GLT1D1: variants seen among roughly 807,000 people sequenced by gnomAD.
The protein encoded by GLT1D1 is glycosyltransferase 1 domain-containing protein 1.
A neutral mutation model predicts 28.7 loss-of-function variants in GLT1D1; 21 were observed. That is an observed-to-expected ratio of 0.73 (90% CI 0.52 to 1.05). The LOEUF (loss-of-function observed/expected upper bound fraction) is 1.05. Ranked by LOEUF, GLT1D1 falls within the 50% of genes least tolerant of loss-of-function variation. The pLI is 0.00. For missense variants in GLT1D1, 343 were observed against 330.6 expected (o/e 1.04, Z -0.29); for synonymous variants, 147 against 124.8 (o/e 1.18, Z -1.19).
intron 4 of GLT1D1, among the ~76,000 whole-genome samples, chr12:128,941,346 A>ATGAT (rs1875206496): frequency 6.6e-6 from 1 of 150,842 alleles, no homozygotes; most frequent in Non-Finnish European, 1.5e-5. Context: ...TTCTGCCTGA[A>ATGAT]TGATTTTATG....
chr12:128,955,281 C>T (rs1877154133), intron 6 of GLT1D1, among the ~76,000 whole-genome samples: 1 of 152,120 alleles, frequency 6.6e-6, no homozygotes, highest in Admixed American at 6.6e-5. Flanking sequence ...CTTCCTCTCC[C>T]TCTCCCTCAT....
At chr12:128,916,396 T>C (rs1049149527) in intron 4 of GLT1D1, among the ~76,000 whole-genome samples, 30 of 152,206 alleles carry the variant, frequency 2.0e-4, no homozygotes, top group African/African-American at 6.8e-4. Flanking sequence ...CTAAGTCAAA[T>C]AGCTTGACTA....
intron 4 of GLT1D1, among the ~76,000 whole-genome samples, chr12:128,917,259 T>A (rs1470005844): frequency 6.6e-6 from 1 of 152,190 alleles, no homozygotes; most frequent in African/African-American, 2.4e-5. Flanking sequence ...AGTCAATAAC[T>A]TTGTTTCAGA....
intron 1 of GLT1D1, among the ~76,000 whole-genome samples, chr12:128,874,128 T>TCTCTCTCTCTC (rs1566091531): frequency 2.1e-5 from 1 of 46,514 alleles, no homozygotes; most frequent in Non-Finnish European, 3.7e-5. Context: ...CTCTCTCTCT[T>TCTCTCTCTCTC]TCTTTCTTTC....
intron 4 of GLT1D1, 71 bp downstream of exon 6, chr12:128,915,060 C>A: frequency 1.6e-6 from 2 of 1,245,568 alleles, no homozygotes; most frequent in Non-Finnish European, 2.3e-6. Flanking sequence ...GAGCTTGTGA[C>A]GTTCATGCGG....
At chr12:128,855,238 A>AC (rs898657632) in intron 1 of GLT1D1, among the ~76,000 whole-genome samples, 3 of 147,692 alleles carry the variant, frequency 2.0e-5, no homozygotes, top group African/African-American at 7.5e-5. Flanking sequence ...AAAAAAAAAA[A>AC]AAAAACAACA....
intron 2 of GLT1D1, among the ~76,000 whole-genome samples, chr12:128,881,092 C>T (rs1200592451): frequency 2.0e-5 from 3 of 151,330 alleles, no homozygotes; most frequent in East Asian, 2.0e-4. Flanking sequence ...GGCGTGTTGG[C>T]GGGCGCCTGT....
chr12:128,928,810 G>A lies in GLT1D1; in HGVS notation c.376-16516G>A, dbSNP rs187518779. Among the ~76,000 whole-genome samples the A allele has an allele frequency of 5.9e-3, 902 of 151,960 alleles. 5 individuals are homozygous for A. The highest frequency in any genetic ancestry group is 0.01 in the Middle Eastern group (3 of 294). On this transcript the variant is annotated intron_variant, in intron 4 of 7. Transcript: ENST00000281703. ...TAATTTTTGTATTTTTAGTAGGGAC[G>A]GGGGTTTTACCACGTTGGGCAGGCT... is the stretch of plus-strand genomic sequence containing the variant.
At chr12:128,971,487 T>TGC (rs1879074586) in intron 7 of GLT1D1, among the ~76,000 whole-genome samples, 1 of 103,738 alleles carries the variant, frequency 9.6e-6, no homozygotes, top group Non-Finnish European at 1.9e-5. Context: ...TCCCTCCCTC[T>TGC]CTCTACCTCC....
At chr12:128,857,667 G>T (rs142349977) in intron 1 of GLT1D1, among the ~76,000 whole-genome samples, 3 of 152,238 alleles carry the variant, frequency 2.0e-5, no homozygotes, top group African/African-American at 7.2e-5. Flanking sequence ...AGACCCCGGA[G>T]ACCACCTTCA....
At chr12:128,867,051 A>G (rs544993231) in intron 1 of GLT1D1, among the ~76,000 whole-genome samples, 1 of 152,194 alleles carries the variant, frequency 6.6e-6, no homozygotes, top group East Asian at 1.9e-4. Context: ...CCTGCCTCTG[A>G]CATAGAGGAG....
chr12:128,935,723 C>T (rs1395487084), intron 4 of GLT1D1, among the ~76,000 whole-genome samples: 1 of 152,128 alleles, frequency 6.6e-6, no homozygotes, highest in Admixed American at 6.6e-5. Context: ...ACCTTAGCCT[C>T]CCAAGTCACT....
intron 4 of GLT1D1, among the ~76,000 whole-genome samples, chr12:128,914,172 TAAATGTA>T (rs1287190105): frequency 6.6e-6 from 1 of 152,048 alleles, no homozygotes; most frequent in Non-Finnish European, 1.5e-5. Context: ...CAGCAAAAAT[TAAATGTA>T]ACTTCTCTCT....
At chr12:128,953,763 C>A (rs1242463073) in intron 6 of GLT1D1, among the ~76,000 whole-genome samples, 2 of 147,800 alleles carry the variant, frequency 1.4e-5, no homozygotes, top group African/African-American at 5.0e-5. Flanking sequence ...TTTTTGTCTC[C>A]GAAACAGAGT....
chr12:128,886,887 C>T (rs1381515051), intron 2 of GLT1D1, among the ~76,000 whole-genome samples: 1 of 152,148 alleles, frequency 6.6e-6, no homozygotes, highest in Middle Eastern at 3.4e-3. Context: ...CCTGGTGAAC[C>T]ACCTCTACTG....
chr12:128,946,116 C>T (rs980147678), intron 5 of GLT1D1, among the ~76,000 whole-genome samples: 2 of 152,060 alleles, frequency 1.3e-5, no homozygotes, highest in African/African-American at 2.4e-5. Context: ...TAGGTGCAGA[C>T]GCGTGTGTGC....
intron 5 of GLT1D1, among the ~76,000 whole-genome samples, chr12:128,946,347 T>G (rs1453572801): frequency 2.6e-5 from 4 of 152,076 alleles, no homozygotes; most frequent in Non-Finnish European, 4.4e-5. Flanking sequence ...TCCATTCTTT[T>G]TTGTTGTTGT....
intron 4 of GLT1D1, among the ~76,000 whole-genome samples, chr12:128,920,282 C>G (rs1017999215): frequency 6.6e-6 from 1 of 152,110 alleles, no homozygotes; most frequent in Non-Finnish European, 1.5e-5. Context: ...CGCAGTGGCT[C>G]ACGCCTGTAA....
chr12:128,957,418 C>T lies in GLT1D1; in HGVS notation c.541-127C>T, dbSNP rs554236976. On this transcript the variant is annotated intron_variant, in intron 6 of 7. Transcript: ENST00000281703. ...AGATTGGGATATCGTTTTGGAAAGGCGTATTTTTTGTGAGGTGCCAGAGGT... is the reference window on the plus strand; with the variant it reads ...AGATTGGGATATCGTTTTGGAAAGGTGTATTTTTTGTGAGGTGCCAGAGGT... 265 of 610,854 alleles carry T rather than the reference C, an allele frequency of 4.3e-4. 1 individual carries two copies. The highest frequency in any genetic ancestry group is 6.0e-4 in the Non-Finnish European group (201 of 334,410). 37.8% of individuals were successfully genotyped at this position (610,854 alleles called of 1,614,324 possible). A position where few individuals can be genotyped will look rare whatever the true frequency, so the allele number is the denominator to read the frequency against.
Sources: allele counts gnomAD v4.1 joint callset (sites outside exome capture counted in the v4.1 genomes callset), GRCh38; gene constraint gnomAD v4.1.1; transcripts MANE v1.5; gene names NCBI Gene and HGNC (gene_info 2026-07-23, HGNC 2026-07-21).